SMNDC1: variants seen among roughly 807,000 people sequenced by gnomAD.
The protein encoded by SMNDC1 is survival motor neuron domain containing 1, also known as survival of motor neuron-related-splicing factor 30.
SMNDC1 carries 5 observed loss-of-function variants against 29.2 expected under a neutral mutation model. That is an observed-to-expected ratio of 0.17 (90% confidence interval 0.09 to 0.36). The LOEUF is 0.36. Among genes scored for constraint, SMNDC1 ranks in the 10% least tolerant of loss-of-function variants. SMNDC1 has a pLI of 1.00. For synonymous variants in SMNDC1, 80 were observed against 89.9 expected, an observed-to-expected ratio of 0.89 and a Z score of 0.62; for missense variants, 142 against 268.5, an observed-to-expected ratio of 0.53 and a Z score of 3.29.
chr10:110,301,955 C>T (rs1857656465), intron 2 of SMNDC1, among the ~76,000 whole-genome samples: 1 of 152,310 alleles, frequency 6.6e-6, no homozygotes, highest in East Asian at 1.9e-4. Flanking sequence ...CTATTTCTAA[C>T]TCCACTCCCA....
intron 4 of SMNDC1, 125 bp downstream of exon 4, chr10:110,297,442 C>A: frequency 1.2e-6 from 1 of 853,676 alleles, no homozygotes. Flanking sequence ...CCCTTTGTTG[C>A]TAATCTTCAA....
chr10:110,291,937 T>C lies in SMNDC1; in HGVS notation c.*2213A>G, dbSNP rs539866727. On this transcript the variant is annotated 3_prime_UTR_variant, in exon 6 of 6. Transcript: ENST00000369603. ...TACTTAGGGGCCCATAACTCAATAT[T>C]TAACATTTCAGTCTGTCACAGTTTC... The C allele has an allele frequency of 1.8e-4, 27 of 152,328 alleles. No individual in the cohort carries two copies. The highest frequency in any genetic ancestry group is 6.0e-4 in the African/African-American group (25 of 41,574). The allele number at this position is 152,328 out of a possible 1,614,324, so 9.4% of individuals were successfully genotyped here.
intron 2 of SMNDC1, among the ~76,000 whole-genome samples, chr10:110,299,934 A>G (rs1344134135): frequency 6.6e-6 from 1 of 152,232 alleles, no homozygotes; most frequent in Non-Finnish European, 1.5e-5. Flanking sequence ...TGATTTAAAA[A>G]TTTAGTAGGA....
At chr10:110,296,854 C>T (rs148439646) in intron 4 of SMNDC1, among the ~76,000 whole-genome samples, 5 of 152,140 alleles carry the variant, frequency 3.3e-5, no homozygotes, top group Non-Finnish European at 7.3e-5. Context: ...TCACCTCCCC[C>T]CTTTAAAAAA....
chr10:110,298,190 T>C (rs912893698), intron 3 of SMNDC1, among the ~76,000 whole-genome samples: 2 of 152,076 alleles, frequency 1.3e-5, no homozygotes, highest in African/African-American at 4.8e-5. Context: ...GGTTTCACCA[T>C]GTTGGTCAGG....
intron 2 of SMNDC1, among the ~76,000 whole-genome samples, chr10:110,301,103 A>G (rs1188136637): frequency 2.0e-5 from 3 of 152,282 alleles, no homozygotes; most frequent in Admixed American, 2.0e-4. Context: ...ATAGAGGAAC[A>G]CAAGAAATTA....
rs1011067507 is a variant in SMNDC1, at chr10:110,293,356, G to A, written c.*794C>T. The A allele has an allele frequency of 5.9e-5, 9 of 152,384 alleles. No homozygotes were observed. The highest frequency in any genetic ancestry group is 2.2e-4 in the African/African-American group (9 of 41,334). 9.4% of individuals were successfully genotyped at this position (152,384 alleles called of 1,614,324 possible). A position where few individuals can be genotyped will look rare whatever the true frequency, so the allele number is the denominator to read the frequency against. On this transcript the variant is annotated 3_prime_UTR_variant, in exon 6 of 6. Transcript: ENST00000369603. The stretch of plus-strand genomic sequence containing the variant: ...TATTCTTGTTCATTAATTTAGCCTT[G>A]TGTTTTTACAAAAATAGTATCTACA...
chr10:110,296,996 C>CA (rs1248324399), intron 4 of SMNDC1, among the ~76,000 whole-genome samples: 1 of 152,204 alleles, frequency 6.6e-6, no homozygotes, highest in Admixed American at 6.5e-5. Flanking sequence ...ACAGCTTCTC[C>CA]AAGGTCATAA....
In SMNDC1 at chr10:110,293,293, CAAGA is replaced by C. The variant is rs1857520213; in HGVS notation, c.*853_*856del. On this transcript the variant is annotated 3_prime_UTR_variant, in exon 6 of 6. Transcript: ENST00000369603. The stretch of plus-strand genomic sequence containing the variant: ...GGGAAATTATCGTCAGATTAATGCA[CAAGA>C]AATACAAGAAATTTTTAATGATGAA... The C allele has an allele frequency of 6.6e-6, 1 of 152,498 alleles. No individual in the cohort carries two copies. The highest frequency in any genetic ancestry group is 1.5e-5 in the Non-Finnish European group (1 of 68,004). 9.4% of individuals were successfully genotyped at this position (152,498 alleles called of 1,614,324 possible).
chr10:110,294,395 G>A (rs1857537970), intron 5 of SMNDC1, 108 bp from the exon 6 acceptor site: 2 of 925,684 alleles, frequency 2.2e-6, no homozygotes, highest in Non-Finnish European at 3.1e-6. Context: ...TTTAAAAGAA[G>A]AAAAACATAT....
intron 2 of SMNDC1, among the ~76,000 whole-genome samples, chr10:110,303,186 T>G (rs1408522771): frequency 1.2e-4 from 19 of 152,244 alleles, no homozygotes. Context: ...CATGTACCTC[T>G]CGTCTTGAAA....
In SMNDC1 at chr10:110,304,822, A is replaced by C. The variant is rs1429093164; in HGVS notation, c.-75T>G. ...GCCCAGTGGTAGTGGCGGTGGCAGC[A>C]GCAGCAGTAGCAGTAGCAGGAAAAT... On this transcript the variant is annotated 5_prime_UTR_variant, in exon 1 of 6. Coordinates refer to ENST00000369603, the MANE Select transcript of SMNDC1 (RefSeq NM_005871.4). The C allele has an allele frequency of 6.5e-6, 1 of 152,920 alleles. No individual in the cohort carries two copies. The highest frequency in any genetic ancestry group is 2.4e-5 in the African/African-American group (1 of 41,456). 9.5% of individuals were successfully genotyped at this position (152,920 alleles called of 1,614,324 possible).
intron 4 of SMNDC1, 120 bp from the exon 5 acceptor site, chr10:110,295,501 A>G (rs1857552213): frequency 3.1e-6 from 2 of 643,966 alleles, no homozygotes; most frequent in Non-Finnish European, 4.9e-6. Context: ...CTATGAATAA[A>G]AAGTACTAAA....
chr10:110,302,806 G>A (rs1857673726), intron 2 of SMNDC1, among the ~76,000 whole-genome samples: 1 of 152,140 alleles, frequency 6.6e-6, no homozygotes, highest in Non-Finnish European at 1.5e-5. Flanking sequence ...TGAAATCCCA[G>A]TGCAGGTTTT....
At chr10:110,302,335 C>A (rs982414005) in intron 2 of SMNDC1, among the ~76,000 whole-genome samples, 18 of 152,108 alleles carry the variant, frequency 1.2e-4, no homozygotes, top group African/African-American at 4.3e-4. Flanking sequence ...TTCTACGTAT[C>A]GAAGAGGGGT....
intron 5 of SMNDC1, among the ~76,000 whole-genome samples, chr10:110,294,921 A>G (rs1367068928): frequency 6.6e-6 from 1 of 152,262 alleles, no homozygotes; most frequent in Non-Finnish European, 1.5e-5. Flanking sequence ...AGGCATGTTA[A>G]CAAAGCAGAT....
intron 2 of SMNDC1, among the ~76,000 whole-genome samples, chr10:110,303,244 T>C (rs1857683509): frequency 6.6e-6 from 1 of 152,236 alleles, no homozygotes; most frequent in Admixed American, 6.5e-5. Flanking sequence ...TTAAAAATTA[T>C]GTAAGCACAC....
rs1436229194 is a variant in SMNDC1, at chr10:110,304,809, T to C, written c.-62A>G. Reference sequence around the variant, plus strand: ...TCGGGGCAAATGAGCCCAGTGGTAGTGGCGGTGGCAGCAGCAGCAGTAGCA... The same window carrying C: ...TCGGGGCAAATGAGCCCAGTGGTAGCGGCGGTGGCAGCAGCAGCAGTAGCA... On this transcript the variant is annotated 5_prime_UTR_variant, in exon 1 of 6. Coordinates refer to ENST00000369603, the MANE Select transcript of SMNDC1 (RefSeq NM_005871.4). 6.5e-6 allele frequency: 1 copy of C among 153,026 alleles called. No homozygotes were observed. Among genetic ancestry groups the C allele is most frequent in the Non-Finnish European group, 1.5e-5 (1 of 68,826 alleles). 9.5% of individuals were successfully genotyped at this position (153,026 alleles called of 1,614,324 possible).
Position 110,291,207 on chromosome 10 carries a change from C to G in SMNDC1, c.*2943G>C, listed in dbSNP as rs1216533457. 3.3e-5 allele frequency: 5 copies of G among 152,202 alleles called. No homozygotes were observed. The highest frequency in any genetic ancestry group is 2.1e-4 in the South Asian group (1 of 4,836). 9.4% of individuals were successfully genotyped at this position (152,202 alleles called of 1,614,324 possible). A position where few individuals can be genotyped will look rare whatever the true frequency, so the allele number is the denominator to read the frequency against. ...CATCAGGATCACCTGCGGTGTTCGT[C>G]AAACAACATACCTTGGCCTGGATAA... On this transcript the variant is annotated 3_prime_UTR_variant, in exon 6 of 6. Transcript: ENST00000369603.
Sources: allele counts gnomAD v4.1 joint callset (sites outside exome capture counted in the v4.1 genomes callset), GRCh38; gene constraint gnomAD v4.1.1; transcripts MANE v1.5; gene names NCBI Gene and HGNC (gene_info 2026-07-23, HGNC 2026-07-21).